Variants in LMNTD1 observed in about 807,000 individuals in gnomAD.
The protein encoded by LMNTD1 is lamin tail domain-containing protein 1.
In LMNTD1, 35 loss-of-function variants were observed where a neutral mutation model predicts 50.9. The observed-to-expected ratio is 0.69, with a 90% CI of 0.53 to 0.91. The LOEUF is 0.91. Ranked by LOEUF, LMNTD1 falls within the 40% of genes least tolerant of loss-of-function variation. The pLI, the probability that LMNTD1 is intolerant of heterozygous loss-of-function variation, is 0.00. For missense variants in LMNTD1, 470 were observed against 475.5 expected, an observed-to-expected ratio of 0.99 and a Z score of 0.11; for synonymous variants, 153 against 161.9, an observed-to-expected ratio of 0.94 and a Z score of 0.42.
chr12:25,588,774 T>C (rs1182023622), intron 1 of LMNTD1, among the ~76,000 whole-genome samples: 1 of 152,108 alleles, frequency 6.6e-6, no homozygotes, highest in South Asian at 2.1e-4. Context: ...TGCAAATTAT[T>C]TCACAATTAA....
intron 1 of LMNTD1, among the ~76,000 whole-genome samples, chr12:25,594,064 G>T (rs191576479): frequency 6.6e-6 from 1 of 152,244 alleles, no homozygotes; most frequent in African/African-American, 2.4e-5. Context: ...CAAGAAGTCT[G>T]GGATTAAACG....
chr12:25,580,372 C>A (rs1375799740), intron 1 of LMNTD1, among the ~76,000 whole-genome samples: 4 of 152,126 alleles, frequency 2.6e-5, no homozygotes, highest in Non-Finnish European at 5.9e-5. Flanking sequence ...TATAGTCAGT[C>A]TCCATTCTGA....
chr12:25,525,724 G>C (rs1318017141), intron 6 of LMNTD1, among the ~76,000 whole-genome samples: 1 of 151,994 alleles, frequency 6.6e-6, no homozygotes, highest in Non-Finnish European at 1.5e-5. Flanking sequence ...AAGAGGATGG[G>C]GAACATAAGG....
intron 8 of LMNTD1, among the ~76,000 whole-genome samples, chr12:25,505,115 T>G (rs1291056388): frequency 7.9e-5 from 12 of 152,184 alleles, no homozygotes; most frequent in Non-Finnish European, 1.5e-5. Context: ...ATCTACAAGT[T>G]TTTGAAATTG....
At chr12:25,559,655 C>G (rs749369294) in intron 1 of LMNTD1, among the ~76,000 whole-genome samples, 9 of 152,204 alleles carry the variant, frequency 5.9e-5, no homozygotes, top group South Asian at 2.1e-4. Context: ...AGTTTACAGT[C>G]CAACCAACAG....
intron 1 of LMNTD1, among the ~76,000 whole-genome samples, chr12:25,610,461 G>C (rs1946215694): frequency 6.6e-6 from 1 of 152,120 alleles, no homozygotes; most frequent in Non-Finnish European, 1.5e-5. Flanking sequence ...TTCCTATTTG[G>C]CCATCTTGGA....
At chr12:25,546,318 G>T in intron 4 of LMNTD1, 56 bp downstream of exon 4, 1 of 1,109,676 alleles carries the variant, frequency 9.0e-7, no homozygotes, top group Non-Finnish European at 1.2e-6. Context: ...GTTTTCTGCT[G>T]ATTTATTGGT....
At chr12:25,597,067 C>A (rs954949667) in intron 1 of LMNTD1, among the ~76,000 whole-genome samples, 1 of 151,514 alleles carries the variant, frequency 6.6e-6, no homozygotes, top group African/African-American at 2.4e-5. Flanking sequence ...AATGGATACA[C>A]GAAAAATAAA....
At chr12:25,608,093 CTTCT>C (rs1439859344) in intron 1 of LMNTD1, among the ~76,000 whole-genome samples, 1 of 152,040 alleles carries the variant, frequency 6.6e-6, no homozygotes, top group African/African-American at 2.4e-5. Context: ...ATGTAATGGC[CTTCT>C]TTGTCTCTTT....
intron 1 of LMNTD1, among the ~76,000 whole-genome samples, chr12:25,599,837 T>C (rs1404696750): frequency 6.6e-6 from 1 of 151,956 alleles, no homozygotes; most frequent in East Asian, 1.9e-4. Context: ...TGTTCATGGA[T>C]TGGGAGAATA....
intron 1 of LMNTD1, among the ~76,000 whole-genome samples, chr12:25,607,059 G>C (rs932291484): frequency 4.6e-5 from 7 of 152,094 alleles, no homozygotes; most frequent in African/African-American, 1.7e-4. Context: ...GTTTAGTCTT[G>C]GGAGGGTGTA....
At chr12:25,631,854 G>A (rs1431678999) in intron 1 of LMNTD1, among the ~76,000 whole-genome samples, 1 of 152,166 alleles carries the variant, frequency 6.6e-6, no homozygotes, top group African/African-American at 2.4e-5. Context: ...GCTAATCAGG[G>A]AGGGACCAGA....
At chr12:25,567,390 C>T (rs1944597218) in intron 1 of LMNTD1, among the ~76,000 whole-genome samples, 1 of 152,148 alleles carries the variant, frequency 6.6e-6, no homozygotes, top group African/African-American at 2.4e-5. Flanking sequence ...TGAGTAAATA[C>T]TATTACACCA....
intron 1 of LMNTD1, among the ~76,000 whole-genome samples, chr12:25,639,999 C>T (rs1047134422): frequency 6.6e-6 from 1 of 152,172 alleles, no homozygotes; most frequent in Non-Finnish European, 1.5e-5. Context: ...CATACTACCA[C>T]ATGGATGAAC....
chr12:25,529,868 T>A (rs969181267), intron 4 of LMNTD1, among the ~76,000 whole-genome samples: 2 of 152,098 alleles, frequency 1.3e-5, no homozygotes, highest in Admixed American at 1.3e-4. Context: ...TAACCCCTTT[T>A]TCCTTACTTC....
chr12:25,639,988 A>G (rs904725820), intron 1 of LMNTD1, among the ~76,000 whole-genome samples: 11 of 152,234 alleles, frequency 7.2e-5, no homozygotes, highest in Non-Finnish European at 1.6e-4. Flanking sequence ...AACTACTGAT[A>G]CATACTACCA....
At chr12:25,515,619 C>T (rs1238017998) in intron 8 of LMNTD1, among the ~76,000 whole-genome samples, 1 of 152,004 alleles carries the variant, frequency 6.6e-6, no homozygotes, top group East Asian at 1.9e-4. Flanking sequence ...TGCATTCATT[C>T]TGCATGATTA....
intron 8 of LMNTD1, among the ~76,000 whole-genome samples, chr12:25,512,093 G>A (rs10842572): frequency 0.18 from 27,727 of 152,106 alleles, 2,711 homozygotes; most frequent in Middle Eastern, 0.24. Context: ...GAAGGTCATG[G>A]CAAGTATTTT....
intron 9 of LMNTD1, among the ~76,000 whole-genome samples, chr12:25,502,651 C>T (rs1453752570): frequency 6.6e-6 from 1 of 152,130 alleles, no homozygotes; most frequent in East Asian, 1.9e-4. Flanking sequence ...CTTTTCAGTC[C>T]CAATGTCCTA....
Sources: allele counts gnomAD v4.1 joint callset (sites outside exome capture counted in the v4.1 genomes callset), GRCh38; gene constraint gnomAD v4.1.1; transcripts MANE v1.5; gene names NCBI Gene and HGNC (gene_info 2026-07-23, HGNC 2026-07-21).